Variants in DRAXIN observed in about 807,000 individuals in gnomAD.
DRAXIN encodes the protein dorsal repulsive axon guidance protein.
DRAXIN carries 27 observed loss-of-function variants against 33.9 expected under a neutral mutation model. The observed-to-expected ratio is 0.80, with a 90% confidence interval of 0.59 to 1.10. The LOEUF is 1.10. Among genes scored for constraint, DRAXIN ranks in the 50% least tolerant of loss-of-function variants. The pLI, the probability that DRAXIN is intolerant of heterozygous loss-of-function variation, is 0.00. For missense variants in DRAXIN, 371 were observed against 460.8 expected, an observed-to-expected ratio of 0.81 and a Z score of 1.78; for synonymous variants, 178 against 194.0, an observed-to-expected ratio of 0.92 and a Z score of 0.69.
At chr1:11,693,427 T>A (rs1641135213) in intron 1 of DRAXIN, among the ~76,000 whole-genome samples, 1 of 152,066 alleles carries the variant, frequency 6.6e-6, no homozygotes. Context: ...CCCTGACCAC[T>A]GTCTAGGTGG....
intron 6 of DRAXIN, 64 bp from the exon 7 acceptor site, chr1:11,719,520 G>C (rs1303792452): frequency 7.0e-7 from 1 of 1,427,768 alleles, no homozygotes; most frequent in East Asian, 2.5e-5. Flanking sequence ...CGAGCGTGCA[G>C]GGGAAGGAAG....
chr1:11,719,810 A>C lies in DRAXIN; in HGVS notation c.*114A>C, dbSNP rs1214913031. The C allele has an allele frequency of 5.0e-6, 5 of 1,000,446 alleles. No homozygotes were observed. The highest frequency in any genetic ancestry group is 7.6e-6 in the Non-Finnish European group (5 of 658,690). 62.0% of individuals were successfully genotyped at this position (1,000,446 alleles called of 1,614,324 possible). ...AACAGATGGCTGAGGCTGCAGACTC[A>C]GGCCCAGGACACTCAACCCCAGGAG... On this transcript the variant is annotated 3_prime_UTR_variant, in exon 7 of 7. Coordinates refer to ENST00000294485, the MANE Select transcript of DRAXIN (RefSeq NM_198545.4).
At position 11,704,578 on chromosome 1, in the gene DRAXIN, T is replaced by C. The variant is rs1048611702; in HGVS notation, c.-10-1671T>C. The stretch of plus-strand genomic sequence containing the variant: ...GAGGCAAGGCCAGTGGGACAGAGCC[T>C]TCCGTTGCTGGTGACGTGACCAGGA... On this transcript the variant is annotated intron_variant, in intron 1 of 6. Coordinates refer to ENST00000294485, the MANE Select transcript of DRAXIN (RefSeq NM_198545.4). The surrounding 1 kb of genome is among the most constrained non-coding windows in gnomAD (Gnocchi z 4.6). Among the ~76,000 whole-genome samples the C allele has an allele frequency of 1.3e-5, 2 of 152,186 alleles. No individual in the cohort carries two copies. The highest frequency in any genetic ancestry group is 2.9e-5 in the Non-Finnish European group (2 of 68,024).
chr1:11,689,431 C>A (rs927177902), upstream of DRAXIN, among the ~76,000 whole-genome samples: 1 of 152,044 alleles, frequency 6.6e-6, no homozygotes, highest in South Asian at 2.1e-4. Flanking sequence ...AACCCCATCT[C>A]TACTGAAAAC....
chr1:11,695,819 A>G (rs1641182734), intron 1 of DRAXIN, among the ~76,000 whole-genome samples: 1 of 152,024 alleles, frequency 6.6e-6, no homozygotes, highest in Admixed American at 6.6e-5. Context: ...AGGGGCCACA[A>G]GTACCTATAA....
At position 11,718,185 on chromosome 1, in the gene DRAXIN, G is replaced by A. The variant is rs199793925; in HGVS notation, c.938-1399G>A. Among the ~76,000 whole-genome samples the A allele has an allele frequency of 3.4e-4, 51 of 149,812 alleles. No homozygotes were observed. In the East Asian group the frequency reaches 7.7e-3, roughly 23 times the overall value. On this transcript the variant is annotated intron_variant, in intron 6 of 6. Transcript: ENST00000294485. ...TACAAAATTAGCTGGGTGTGGTGGCGCATGCCTGTAATCCCAGCTACTCGA... is the reference window on the plus strand; with the variant it reads ...TACAAAATTAGCTGGGTGTGGTGGCACATGCCTGTAATCCCAGCTACTCGA...
At chr1:11,710,561 T>G (rs1641469547) in intron 3 of DRAXIN, among the ~76,000 whole-genome samples, 1 of 151,788 alleles carries the variant, frequency 6.6e-6, no homozygotes, top group Admixed American at 6.6e-5. Flanking sequence ...CCACTGGTGA[T>G]TCTGGAAGAG....
At chr1:11,712,117 A>G in intron 4 of DRAXIN, 152 bp downstream of exon 4, 1 of 867,414 alleles carries the variant, frequency 1.2e-6, no homozygotes, top group East Asian at 2.6e-5. Context: ...TAACCTGGAA[A>G]CACCACTTGG....
At chr1:11,711,782 C>G in intron 3 of DRAXIN, 69 bp from the exon 4 acceptor site, 1 of 1,447,072 alleles carries the variant, frequency 6.9e-7, no homozygotes, top group South Asian at 1.2e-5. Context: ...GTCCTCTGAC[C>G]TTGGGACTCC....
intron 5 of DRAXIN, among the ~76,000 whole-genome samples, chr1:11,713,652 G>A (rs931793155): frequency 6.6e-5 from 10 of 152,200 alleles, no homozygotes. Flanking sequence ...ACTATGGGAG[G>A]CCGAGGCGGG....
rs1016998586 is a variant in DRAXIN, at chr1:11,706,013, G to T, written c.-10-236G>T. On this transcript the variant is annotated intron_variant, in intron 1 of 6. Coordinates refer to ENST00000294485, the MANE Select transcript of DRAXIN (RefSeq NM_198545.4). The surrounding 1 kb of genome is among the most constrained non-coding windows in gnomAD (Gnocchi z 5.5). ...TCTGGGCCGGATGATTCTTGGTTTCGGGGGCTGTCCTGTGCATTGTCGGGC... is the reference window on the plus strand; with the variant it reads ...TCTGGGCCGGATGATTCTTGGTTTCTGGGGCTGTCCTGTGCATTGTCGGGC... Among the ~76,000 whole-genome samples, 13 of 152,118 alleles carry T rather than the reference G, an allele frequency of 8.5e-5. No homozygotes were observed. Among genetic ancestry groups the T allele is most frequent in the African/African-American group, 3.1e-4 (13 of 41,428 alleles).
rs765879587 is a variant in DRAXIN, at chr1:11,706,233, G to A, written c.-10-16G>A. 6.4e-7 allele frequency: 1 copy of A among 1,553,740 alleles called. No homozygotes were observed. Among genetic ancestry groups the A allele is most frequent in the South Asian group, 1.2e-5 (1 of 81,650 alleles). ...AGGCCTGGGGCTGCGCATTCATGGT[G>A]TTGCTCTTCTTGCAGGGAGGAGCCA... On this transcript the variant is annotated splice_polypyrimidine_tract_variant and intron_variant, in intron 1 of 6. Coordinates refer to ENST00000294485, the MANE Select transcript of DRAXIN (RefSeq NM_198545.4). This position sits in a 1 kb window ranked among gnomAD's most constrained non-coding sequence, Gnocchi z 5.5.
At chr1:11,717,243 A>G (rs1641590540) in intron 6 of DRAXIN, among the ~76,000 whole-genome samples, 1 of 152,044 alleles carries the variant, frequency 6.6e-6, no homozygotes, top group Non-Finnish European at 1.5e-5. Context: ...AGATCCTGCC[A>G]TTGCACTCCA....
At chr1:11,686,953 T>C (rs1254175065), upstream of DRAXIN, among the ~76,000 whole-genome samples, 1 of 152,208 alleles carries the variant, frequency 6.6e-6, no homozygotes, top group African/African-American at 2.4e-5. Context: ...AACATTTTCA[T>C]CACTCCTGAT....
In DRAXIN at chr1:11,716,292, C is replaced by G. The variant is rs112281153; in HGVS notation, c.937+1084C>G. On this transcript the variant is annotated intron_variant, in intron 6 of 6. Coordinates refer to ENST00000294485, the MANE Select transcript of DRAXIN (RefSeq NM_198545.4). ...CTCACGGCCAATCTGTGTCTATCATCTCTCACACACTTTCCTTATTCCGAC... is the reference window on the plus strand; with the variant it reads ...CTCACGGCCAATCTGTGTCTATCATGTCTCACACACTTTCCTTATTCCGAC... Among the ~76,000 whole-genome samples, 29 of 152,380 alleles carry G rather than the reference C, an allele frequency of 1.9e-4. 1 individual carries two copies. Among genetic ancestry groups the G allele is most frequent in the African/African-American group, 7.0e-4 (29 of 41,580 alleles).
Position 11,700,877 on chromosome 1 carries a change from C to CCGT in DRAXIN, c.-10-5370_-10-5369insTCG, listed in dbSNP as rs1641262923. On this transcript the variant is annotated intron_variant, in intron 1 of 6. Transcript: ENST00000294485. ...CGATCAGCGCCGCAGGAATGCTGGT[C>CCGT]CGACAGCTGTCCCGAGAAGCCTGGT... Among the ~76,000 whole-genome samples the CCGT allele has an allele frequency of 2.6e-5, 4 of 152,320 alleles. No homozygotes were observed. The South Asian group carries it at 8.3e-4, about 32-fold the overall frequency.
At chr1:11,703,617 C>A (rs1641334157) in intron 1 of DRAXIN, among the ~76,000 whole-genome samples, 1 of 152,186 alleles carries the variant, frequency 6.6e-6, no homozygotes, top group African/African-American at 2.4e-5. Context: ...AGGGTCACAA[C>A]CCGAGTAGCC....
intron 5 of DRAXIN, among the ~76,000 whole-genome samples, chr1:11,713,804 G>T (rs1221576972): frequency 6.6e-6 from 1 of 152,322 alleles, no homozygotes; most frequent in Admixed American, 6.5e-5. Context: ...CCTTTGGGAG[G>T]CCGAGATGGG....
chr1:11,720,719 A>C lies in DRAXIN; in HGVS notation c.*1023A>C, dbSNP rs1232269171. ...GTCCTGGGAAGTACATGGCAGAGCA[A>C]GGACATGAACCTGGGCCAAGGCTGT... On this transcript the variant is annotated 3_prime_UTR_variant, in exon 7 of 7. Coordinates refer to ENST00000294485, the MANE Select transcript of DRAXIN (RefSeq NM_198545.4). 1 of 152,130 alleles carries C rather than the reference A, an allele frequency of 6.6e-6. No individual in the cohort carries two copies. Among genetic ancestry groups the C allele is most frequent in the African/African-American group, 2.4e-5 (1 of 41,408 alleles). The allele number at this position is 152,130 out of a possible 1,614,324, so 9.4% of individuals were successfully genotyped here.
Sources: allele counts gnomAD v4.1 joint callset (sites outside exome capture counted in the v4.1 genomes callset), GRCh38; gene constraint gnomAD v4.1.1; non-coding constraint Gnocchi (gnomAD v3.1); transcripts MANE v1.5; gene names NCBI Gene and HGNC (gene_info 2026-07-23, HGNC 2026-07-21).